SOCS5: variants seen among roughly 807,000 people sequenced by gnomAD.
The protein encoded by SOCS5 is suppressor of cytokine signaling 5, also known as CIS-6.
A neutral mutation model predicts 42.8 loss-of-function variants in SOCS5; 32 were observed. The ratio of observed to expected loss-of-function variants is 0.75; its 90% CI spans 0.56 to 1.01. SOCS5 has a LOEUF of 1.01. Ranked by LOEUF, SOCS5 falls within the 50% of genes least tolerant of loss-of-function variation. The pLI is 0.00. For synonymous variants in SOCS5, 283 were observed against 229.6 expected, an observed-to-expected ratio of 1.23 and a Z score of -2.10; for missense variants, 627 against 653.0, an observed-to-expected ratio of 0.96 and a Z score of 0.43.
At chr2:46,745,144 G>A (rs1188496513) in intron 1 of SOCS5, among the ~76,000 whole-genome samples, 1 of 151,902 alleles carries the variant, frequency 6.6e-6, no homozygotes, top group African/African-American at 2.4e-5. Flanking sequence ...AGAATTTTGG[G>A]GATATTAATG....
At chr2:46,750,418 G>C (rs1026588667) in intron 1 of SOCS5, among the ~76,000 whole-genome samples, 2 of 152,026 alleles carry the variant, frequency 1.3e-5, no homozygotes, top group African/African-American at 4.8e-5. Flanking sequence ...TAGGATTGCA[G>C]GGACTGTATC....
intron 1 of SOCS5, among the ~76,000 whole-genome samples, chr2:46,728,064 A>G (rs1471449102): frequency 1.3e-5 from 2 of 152,062 alleles, no homozygotes; most frequent in Non-Finnish European, 2.9e-5. Flanking sequence ...AACTGCCAGG[A>G]TCCTTTTCCC....
chr2:46,708,510 A>C (rs1206052139), intron 1 of SOCS5, among the ~76,000 whole-genome samples: 1 of 152,202 alleles, frequency 6.6e-6, no homozygotes, highest in Non-Finnish European at 1.5e-5. Flanking sequence ...AAATTATGAA[A>C]ATAGATGAGT....
chr2:46,751,968 G>A (rs1383009222), intron 1 of SOCS5, among the ~76,000 whole-genome samples: 1 of 152,128 alleles, frequency 6.6e-6, no homozygotes, highest in Non-Finnish European at 1.5e-5. Context: ...CATAAATAAG[G>A]TTATATTGGC....
At chr2:46,712,484 T>C (rs1442119403) in intron 1 of SOCS5, among the ~76,000 whole-genome samples, 9 of 151,868 alleles carry the variant, frequency 5.9e-5, no homozygotes, top group Non-Finnish European at 5.9e-5. Flanking sequence ...GCTGGGACTA[T>C]AGGCGCGTGC....
At chr2:46,719,694 G>A (rs147317018) in intron 1 of SOCS5, among the ~76,000 whole-genome samples, 95 of 152,204 alleles carry the variant, frequency 6.2e-4, no homozygotes, top group African/African-American at 2.2e-3. Flanking sequence ...CACATATTTT[G>A]CTATATATAG....
chr2:46,701,222 G>A (rs185607564), intron 1 of SOCS5, among the ~76,000 whole-genome samples: 35 of 152,306 alleles, frequency 2.3e-4, no homozygotes, highest in African/African-American at 8.2e-4. Flanking sequence ...CCAGTGATTA[G>A]GGAAGCTTTC....
intron 1 of SOCS5, among the ~76,000 whole-genome samples, chr2:46,726,624 C>T (rs35158352): frequency 0.28 from 42,035 of 151,900 alleles, 6,633 homozygotes; most frequent in Non-Finnish European, 0.36. Flanking sequence ...GTTGTTCAGA[C>T]TAGATCATTT....
At chr2:46,748,189 CT>C (rs35861326) in intron 1 of SOCS5, among the ~76,000 whole-genome samples, 9,337 of 138,650 alleles carry the variant, frequency 0.067, 250 homozygotes, top group Middle Eastern at 0.13. Flanking sequence ...TTTTCTTTTT[CT>C]TTTTTTTTTT....
At chr2:46,749,091 A>G (rs1168675468) in intron 1 of SOCS5, among the ~76,000 whole-genome samples, 1 of 152,186 alleles carries the variant, frequency 6.6e-6, no homozygotes, top group Non-Finnish European at 1.5e-5. Context: ...TGATCAGTAG[A>G]GGCAGTGCTG....
At chr2:46,746,713 A>G (rs1180413442) in intron 1 of SOCS5, among the ~76,000 whole-genome samples, 1 of 150,364 alleles carries the variant, frequency 6.7e-6, no homozygotes, top group African/African-American at 2.4e-5. Flanking sequence ...CATCTCTTTT[A>G]ATTTTGGTTT....
At position 46,758,804 on chromosome 2, in the gene SOCS5, A is replaced by G. The variant is rs761596115; in HGVS notation, c.274A>G (p.Ile92Val). The part of the protein sequence containing the change: ...CATEIPQIVE[I>V]SIEKDNDSCV... ...CACAGAAATCCCTCAAATTGTTGAA[A>G]TAAGCATCGAAAAGGATAATGATTC... The change falls in exon 2 of 2, where the codon ATA (isoleucine) becomes GTA (valine). Residue 92 changes from isoleucine (I) to valine (V), a missense_variant. Ile to Val is a conservative substitution (Grantham distance 29). Around this residue, in one of 3 missense-constraint regions of SOCS5, gnomAD observed 278 missense variants for 246.3 expected, o/e 1.13. Coordinates refer to ENST00000394861, the MANE Select transcript of SOCS5 (RefSeq NM_144949.3). The G allele has an allele frequency of 1.9e-6, 3 of 1,614,130 alleles. No individual in the cohort carries two copies. The highest frequency in any genetic ancestry group is 1.7e-5 in the Admixed American group (1 of 60,008).
Position 46,759,317 on chromosome 2 carries a change from A to G in SOCS5, c.787A>G (p.Arg263Gly), listed in dbSNP as rs1045040981. 14 of 1,613,858 alleles carry G rather than the reference A, an allele frequency of 8.7e-6. No homozygotes were observed. Among genetic ancestry groups the G allele is most frequent in the Non-Finnish European group, 1.1e-5 (13 of 1,179,824 alleles). ...SLVSTEDEED[R>G]LRERRRLSIE... ...GGTTTCTACAGAAGATGAAGAAGAT[A>G]GGCTTAGAGAGAGAAGGCGGCTTAG... Residue 263 changes from arginine (R) to glycine (G), a missense_variant, in exon 2 of 2, where the codon AGG becomes GGG. Physicochemically the swap from Arg to Gly is moderately radical, Grantham distance 125. Around this residue, in one of 3 missense-constraint regions of SOCS5, gnomAD observed 340 missense variants for 367.6 expected, o/e 0.92. Transcript: ENST00000394861.
In SOCS5 at chr2:46,758,978, CAAAGG is replaced by C; in HGVS notation, c.450_454del (p.Arg152GlufsTer52). On this transcript the variant is annotated frameshift_variant, in exon 2 of 2. Coordinates refer to ENST00000394861, the MANE Select transcript of SOCS5 (RefSeq NM_144949.3). LOFTEE classifies it high-confidence loss of function. ...GTTTGGTAGAACTCGAAGTGGACTT[CAAAGG>C]AGAGAGAGGCGCTACGGCGTAAGTT... 6.2e-7 allele frequency: 1 copy of C among 1,613,906 alleles called. No homozygotes were observed. Among genetic ancestry groups the C allele is most frequent in the South Asian group, 1.1e-5 (1 of 91,080 alleles).
chr2:46,739,628 T>C (rs1221155171), intron 1 of SOCS5, among the ~76,000 whole-genome samples: 2 of 152,160 alleles, frequency 1.3e-5, no homozygotes, highest in African/African-American at 4.8e-5. Context: ...TTCCCAGTCA[T>C]ACTCCATCTG....
chr2:46,758,908 T>C lies in SOCS5; in HGVS notation c.378T>C (p.His126=). The change falls in exon 2 of 2, where the codon CAT becomes CAC. Residue 126 remains histidine, a synonymous_variant. Transcript: ENST00000394861. The part of the protein sequence containing the change: ...RHAPWGGKKK[H]SCSTKTQSSL... ...CTCCATGGGGTGGGAAGAAAAAACA[T>C]TCCTGTTCTACAAAGACCCAGAGTT... The C allele has an allele frequency of 6.2e-7, 1 of 1,614,042 alleles. No homozygotes were observed. The highest frequency in any genetic ancestry group is 8.5e-7 in the Non-Finnish European group (1 of 1,179,910).
chr2:46,717,953 A>G (rs1293148560), intron 1 of SOCS5, among the ~76,000 whole-genome samples: 2 of 152,194 alleles, frequency 1.3e-5, no homozygotes, highest in African/African-American at 4.8e-5. Context: ...TCTCTAGGCA[A>G]AGATTCCGGA....
intron 1 of SOCS5, among the ~76,000 whole-genome samples, chr2:46,743,855 C>T (rs1305026645): frequency 2.0e-5 from 3 of 152,100 alleles, no homozygotes; most frequent in African/African-American, 4.8e-5. Flanking sequence ...AGGAGACACA[C>T]AATGAGTTAT....
chr2:46,727,601 C>T lies in SOCS5; in HGVS notation c.-13+28152C>T, dbSNP rs545830768. On this transcript the variant is annotated intron_variant, in intron 1 of 1. Transcript: ENST00000394861. ...TTTGTTTTCAAAGCCTGTAGTGCTT[C>T]GCTGTTTGGGTCTGTCCTATATGCA... is the stretch of plus-strand genomic sequence containing the variant. Among the ~76,000 whole-genome samples, 11 of 152,214 alleles carry T rather than the reference C, an allele frequency of 7.2e-5. No individual in the cohort carries two copies. The East Asian group carries it at 1.2e-3, about 16-fold the overall frequency.
Sources: allele counts gnomAD v4.1 joint callset (sites outside exome capture counted in the v4.1 genomes callset), GRCh38; gene constraint gnomAD v4.1.1; regional missense constraint gnomAD v4.1.1; transcripts MANE v1.5; gene names NCBI Gene and HGNC (gene_info 2026-07-23, HGNC 2026-07-21).